The following COL25A1 variants were observed in gnomAD, a reference collection of about 807,000 sequenced individuals.
COL25A1 encodes collagen type XXV alpha 1 chain.
COL25A1 carries 103 observed loss-of-function variants against 128.4 expected under a neutral mutation model. The ratio of observed to expected loss-of-function variants is 0.80; its 90% CI spans 0.68 to 0.94. The LOEUF (loss-of-function observed/expected upper bound fraction) is 0.94, where lower values mean the gene tolerates loss of function less well. Among genes scored for constraint, COL25A1 ranks in the 40% least tolerant of loss-of-function variants. The pLI is 0.00. For missense variants in COL25A1, 745 were observed against 840.0 expected (o/e 0.89, Z 1.40); for synonymous variants, 279 against 277.2 (o/e 1.01, Z -0.06).
intron 10 of COL25A1, among the ~76,000 whole-genome samples, chr4:108,938,945 T>G (rs2125925393): frequency 6.6e-6 from 1 of 152,332 alleles, no homozygotes; most frequent in South Asian, 2.1e-4. Context: ...TTTCTGAAAA[T>G]TTTAAAACAA....
At chr4:109,197,440 A>T (rs548941434) in intron 3 of COL25A1, among the ~76,000 whole-genome samples, 2 of 123,964 alleles carry the variant, frequency 1.6e-5, no homozygotes, top group East Asian at 4.1e-4. Flanking sequence ...AATATTATAT[A>T]TTATATATAT....
At chr4:108,918,299 G>A in intron 12 of COL25A1, 83 bp from the exon 13 acceptor site, 1 of 999,760 alleles carries the variant, frequency 1.0e-6, no homozygotes, top group Non-Finnish European at 1.5e-6. Context: ...AGTTATGTAA[G>A]CCTTGCTAAA....
chr4:108,966,943 AG>A (rs1404477208), intron 8 of COL25A1, among the ~76,000 whole-genome samples: 1 of 151,252 alleles, frequency 6.6e-6, no homozygotes, highest in Non-Finnish European at 1.5e-5. Context: ...AAAGAAAGAG[AG>A]GAAAGAAAGA....
At chr4:109,287,297 T>C (rs1288987364) in intron 3 of COL25A1, among the ~76,000 whole-genome samples, 1 of 152,152 alleles carries the variant, frequency 6.6e-6, no homozygotes, top group African/African-American at 2.4e-5. Flanking sequence ...AAGTAGGGTT[T>C]AGCAGCCTAC....
chr4:108,899,011 ATACC>A (rs1036880812), intron 15 of COL25A1, 139 bp downstream of exon 15: 15 of 585,892 alleles, frequency 2.6e-5, no homozygotes, highest in Non-Finnish European at 4.5e-5. Flanking sequence ...ATATATCTAT[ATACC>A]TACCTACCTA....
chr4:108,888,954 C>G (rs1420278645), intron 18 of COL25A1, among the ~76,000 whole-genome samples: 1 of 152,100 alleles, frequency 6.6e-6, no homozygotes, highest in African/African-American at 2.4e-5. Flanking sequence ...GCATTCCAAC[C>G]CACCTAATCT....
At chr4:108,916,658 T>C (rs1279116361) in intron 13 of COL25A1, among the ~76,000 whole-genome samples, 3 of 152,248 alleles carry the variant, frequency 2.0e-5, no homozygotes, top group Non-Finnish European at 4.4e-5. Context: ...TCTTGAGTTA[T>C]ATAATTTTCA....
At chr4:108,834,726 A>G (rs1334607936) in intron 31 of COL25A1, among the ~76,000 whole-genome samples, 1 of 152,210 alleles carries the variant, frequency 6.6e-6, no homozygotes, top group Non-Finnish European at 1.5e-5. Flanking sequence ...CATTTTCTAA[A>G]GACTGTGCTA....
At chr4:109,001,395 T>TAGGCATCTGAGATCCTGTCAGGA in intron 6 of COL25A1, among the ~76,000 whole-genome samples, 4 of 152,158 alleles carry the variant, frequency 2.6e-5, no homozygotes, top group African/African-American at 4.8e-5. Flanking sequence ...TCCTGTCAGG[T>TAGGCATCTGAGATCCTGTCAGGA]AGGCATCTGA....
intron 5 of COL25A1, among the ~76,000 whole-genome samples, chr4:109,037,811 A>G (rs794147): frequency 0.49 from 74,906 of 152,064 alleles, 20,190 homozygotes; most frequent in African/African-American, 0.69. Flanking sequence ...TCATGGGGTC[A>G]TAGCATCAAA....
rs552538282 is a variant in COL25A1, at chr4:109,207,446, T to G, written c.367+93137A>C. On this transcript the variant is annotated intron_variant, in intron 3 of 37. Coordinates refer to ENST00000399132, the MANE Select transcript of COL25A1 (RefSeq NM_198721.4). ...ACTGAGGTCTTCAACACAGTTCTAC[T>G]CTCACTCCTGATGGCTTGTCCCTGA... Among the ~76,000 whole-genome samples the G allele has an allele frequency of 3.9e-5, 6 of 152,300 alleles. No homozygotes were observed. In the South Asian group the frequency reaches 1.2e-3, roughly 32 times the overall value.
intron 3 of COL25A1, among the ~76,000 whole-genome samples, chr4:109,103,690 G>GA (rs1440589275): frequency 5.9e-5 from 9 of 152,246 alleles, no homozygotes; most frequent in Admixed American, 3.3e-4. Context: ...GTTTAAAATG[G>GA]AAAATGAACA....
At chr4:108,896,788 T>C in intron 15 of COL25A1, 77 bp from the exon 16 acceptor site, 1 of 1,301,010 alleles carries the variant, frequency 7.7e-7, no homozygotes, top group South Asian at 1.2e-5. Context: ...TATTTTAAGC[T>C]TTCTTTCATG....
chr4:109,094,274 T>C (rs951258745), intron 3 of COL25A1, among the ~76,000 whole-genome samples: 13 of 152,194 alleles, frequency 8.5e-5, no homozygotes, highest in African/African-American at 3.1e-4. Context: ...GCTTGACTAG[T>C]CAAACAAATA....
intron 3 of COL25A1, among the ~76,000 whole-genome samples, chr4:109,228,888 T>C (rs562264130): frequency 2.0e-5 from 3 of 152,300 alleles, no homozygotes; most frequent in South Asian, 2.1e-4. Context: ...TCTCTGTTAG[T>C]TTATGAATAG....
At chr4:109,074,768 CAT>C (rs1220099914) in intron 3 of COL25A1, among the ~76,000 whole-genome samples, 2 of 152,086 alleles carry the variant, frequency 1.3e-5, no homozygotes, top group Non-Finnish European at 2.9e-5. Flanking sequence ...CTAAGAAAAT[CAT>C]AGATGTTTCA....
intron 3 of COL25A1, among the ~76,000 whole-genome samples, chr4:109,146,691 G>A (rs984971476): frequency 6.6e-6 from 1 of 152,224 alleles, no homozygotes; most frequent in African/African-American, 2.4e-5. Context: ...AGGTGAACCT[G>A]TCAAGAGGCA....
At chr4:109,194,347 T>C (rs1775848932) in intron 3 of COL25A1, among the ~76,000 whole-genome samples, 1 of 152,248 alleles carries the variant, frequency 6.6e-6, no homozygotes, top group Non-Finnish European at 1.5e-5. Context: ...GTGTCATGTA[T>C]ATCATAAGTG....
intron 3 of COL25A1, among the ~76,000 whole-genome samples, chr4:109,124,036 C>CA (rs1369350025): frequency 7.2e-5 from 11 of 151,968 alleles, no homozygotes; most frequent in African/African-American, 4.8e-5. Context: ...GTTTCATTCA[C>CA]AAAAAAATAT....
Sources: gnomAD v4.1 joint callset for allele counts (sites outside exome capture counted in the v4.1 genomes callset) on GRCh38, gnomAD v4.1.1 for gene constraint, MANE v1.5 for transcripts, NCBI Gene and HGNC (gene_info 2026-07-23, HGNC 2026-07-21) for gene names.